MYLK4: variants seen among roughly 807,000 people sequenced by gnomAD.
MYLK4 encodes the protein myosin light chain kinase family member 4.
MYLK4 carries 46 observed loss-of-function variants against 48.1 expected under a neutral mutation model. The ratio of observed to expected loss-of-function variants is 0.96; its 90% CI spans 0.75 to 1.22. MYLK4 has a LOEUF of 1.22. Among genes scored for constraint, MYLK4 ranks in the 50% most tolerant of loss-of-function variants. The pLI is 0.00. For synonymous variants in MYLK4, 170 were observed against 180.8 expected, an observed-to-expected ratio of 0.94 and a Z score of 0.48; for missense variants, 451 against 486.1, an observed-to-expected ratio of 0.93 and a Z score of 0.68.
At chr6:2,767,899 A>C in the MYLK4 span, among the ~76,000 whole-genome samples, 4 of 152,222 alleles carry the variant, frequency 2.6e-5, no homozygotes, top group Admixed American at 6.5e-5. Context: ...TTTCTGAAAG[A>C]AGCAGCCACA....
the MYLK4 span, among the ~76,000 whole-genome samples, chr6:2,765,193 C>T: frequency 1.2e-5 from 1 of 84,296 alleles, no homozygotes; most frequent in Non-Finnish European, 2.7e-5. Flanking sequence ...CCCCCCCCCC[C>T]GCCCCTCCCC....
intron 2 of MYLK4, among the ~76,000 whole-genome samples, chr6:2,742,566 T>C (rs1016357713): frequency 8.6e-5 from 13 of 150,984 alleles, no homozygotes; most frequent in African/African-American, 3.2e-4. Context: ...ATGTCCTTTG[T>C]AGGGACATGG....
chr6:2,681,047 A>G (rs1582034831), intron 7 of MYLK4, among the ~76,000 whole-genome samples: 1 of 152,288 alleles, frequency 6.6e-6, no homozygotes, highest in East Asian at 1.9e-4. Context: ...CTGGGGTAGA[A>G]AAACAGAGGT....
At chr6:2,749,074 G>A in intron 2 of MYLK4, 62 bp downstream of exon 2, 1 of 1,486,518 alleles carries the variant, frequency 6.7e-7, no homozygotes. Flanking sequence ...GCGGCTCCAT[G>A]ACATTAGAAA....
the MYLK4 span, among the ~76,000 whole-genome samples, chr6:2,767,629 C>T: frequency 6.6e-6 from 1 of 152,184 alleles, no homozygotes; most frequent in Non-Finnish European, 1.5e-5. Context: ...TTGTTAACCC[C>T]ATTTAAGGGA....
chr6:2,691,052 C>G (rs548981206), intron 3 of MYLK4, among the ~76,000 whole-genome samples: 20 of 152,052 alleles, frequency 1.3e-4, no homozygotes, highest in Non-Finnish European at 2.6e-4. Context: ...GGATGGTCTC[C>G]ATCTCCTGAC....
At chr6:2,763,915 G>A in the MYLK4 span, among the ~76,000 whole-genome samples, 2 of 152,094 alleles carry the variant, frequency 1.3e-5, no homozygotes, top group African/African-American at 2.4e-5. Flanking sequence ...GGGAGACCGA[G>A]GTGGGCGGAT....
chr6:2,727,647 CTCA>C (rs767421052), intron 2 of MYLK4, among the ~76,000 whole-genome samples: 34 of 152,204 alleles, frequency 2.2e-4, no homozygotes, highest in Non-Finnish European at 4.3e-4. Flanking sequence ...CGGTTCATAT[CTCA>C]TCATCATCAT....
intron 2 of MYLK4, among the ~76,000 whole-genome samples, chr6:2,695,603 T>C (rs1447643129): frequency 1.3e-5 from 2 of 152,200 alleles, no homozygotes; most frequent in Admixed American, 1.3e-4. Flanking sequence ...AAGAAGGCCT[T>C]TATTCATTGC....
intron 4 of MYLK4, among the ~76,000 whole-genome samples, chr6:2,688,119 C>T (rs1761629133): frequency 6.6e-6 from 1 of 151,362 alleles, no homozygotes; most frequent in Non-Finnish European, 1.5e-5. Context: ...AGTGTAGGGG[C>T]CTGATCTCGG....
chr6:2,768,858 T>G, the MYLK4 span: 3 of 1,611,870 alleles, frequency 1.9e-6, no homozygotes, highest in Non-Finnish European at 1.7e-6. Flanking sequence ...TTGATGAGAT[T>G]CATCGGTTCA....
At position 2,749,297 on chromosome 6, in the gene MYLK4, T is replaced by C; in HGVS notation, c.-3A>G. ...TCCAGCCTCTTCACTTTTAACATCT[T>C]AGTAGTGAGTCCGATTAAGCTACTT... On this transcript the variant is annotated 5_prime_UTR_variant, in exon 2 of 13. Coordinates refer to ENST00000274643, the MANE Select transcript of MYLK4 (RefSeq NM_001012418.5). 6.2e-7 allele frequency: 1 copy of C among 1,611,842 alleles called. No homozygotes were observed. Among genetic ancestry groups the C allele is most frequent in the Non-Finnish European group, 8.5e-7 (1 of 1,179,036 alleles).
At chr6:2,769,537 A>C in the MYLK4 span, among the ~76,000 whole-genome samples, 1 of 152,196 alleles carries the variant, frequency 6.6e-6, no homozygotes, top group South Asian at 2.1e-4. Context: ...CATACATAGA[A>C]TATTTCACAA....
intron 2 of MYLK4, among the ~76,000 whole-genome samples, chr6:2,727,238 C>T (rs1361862963): frequency 1.3e-5 from 2 of 152,140 alleles, no homozygotes; most frequent in Admixed American, 6.6e-5. Flanking sequence ...AAAATGAAGC[C>T]ACTGCTCAGC....
chr6:2,730,339 G>C (rs539614632), intron 2 of MYLK4, among the ~76,000 whole-genome samples: 1 of 152,270 alleles, frequency 6.6e-6, no homozygotes, highest in South Asian at 2.1e-4. Context: ...CATTATTCTT[G>C]GAGAATTGTC....
At chr6:2,682,945 C>T in intron 7 of MYLK4, 76 bp downstream of exon 7, 2 of 1,524,766 alleles carry the variant, frequency 1.3e-6, no homozygotes, top group Non-Finnish European at 1.8e-6. Flanking sequence ...CCCCAGCTGG[C>T]ATATAATAGC....
At position 2,667,220 on chromosome 6, in the gene MYLK4, G is replaced by A. The variant is rs891592940; in HGVS notation, c.*705C>T. On this transcript the variant is annotated 3_prime_UTR_variant, in exon 13 of 13. Transcript: ENST00000274643. ...TGAACTGTCAGTCAGAAGGGTGCAG[G>A]GAGTATAGATGTGAAAAACAGAATC... 7.9e-5 allele frequency: 12 copies of A among 152,204 alleles called. No homozygotes were observed. The highest frequency in any genetic ancestry group is 2.9e-4 in the African/African-American group (12 of 41,434). 9.4% of individuals were successfully genotyped at this position (152,204 alleles called of 1,614,324 possible).
At position 2,683,413 on chromosome 6, in the gene MYLK4, G is replaced by A. The variant is rs1188056254; in HGVS notation, c.546-251C>T. Among the ~76,000 whole-genome samples the A allele has an allele frequency of 1.5e-5, 2 of 136,694 alleles. 1 individual carries two copies. Among genetic ancestry groups the A allele is most frequent in the African/African-American group, 5.0e-5 (2 of 39,864 alleles). The allele number at this position is 136,694 out of a possible 152,430, so 89.7% of individuals were successfully genotyped here. Reference sequence around the variant, plus strand: ...TTTTTGTGTGTGTGTGTGTGTGTGTGTGTGTGTGTGTGTGTGTGTGTTTTG... The same window carrying A: ...TTTTTGTGTGTGTGTGTGTGTGTGTATGTGTGTGTGTGTGTGTGTGTTTTG... On this transcript the variant is annotated intron_variant, in intron 6 of 12. Transcript: ENST00000274643.
intron 2 of MYLK4, among the ~76,000 whole-genome samples, chr6:2,720,605 A>T (rs189473787): frequency 7.0e-4 from 106 of 152,312 alleles, no homozygotes; most frequent in Non-Finnish European, 1.3e-3. Context: ...GGGAAATAAG[A>T]AAATGTATTA....
Sources: gnomAD v4.1 joint callset for allele counts (sites outside exome capture counted in the v4.1 genomes callset) on GRCh38, gnomAD v4.1.1 for gene constraint, MANE v1.5 for transcripts, NCBI Gene and HGNC (gene_info 2026-07-23, HGNC 2026-07-21) for gene names.